Variants in SLF2 observed in about 807,000 individuals in gnomAD.
The protein encoded by SLF2 is SMC5/6 complex localization factor 2, also known as SMC5-SMC6 complex localization factor protein 2.
SLF2 carries 68 observed loss-of-function variants against 124.3 expected under a neutral mutation model. The ratio of observed to expected loss-of-function variants is 0.55; its 90% CI spans 0.45 to 0.67. SLF2 has a LOEUF of 0.67. SLF2 is among the 30% of genes least tolerant of loss of function. SLF2 has a pLI of 0.00. For missense variants in SLF2, 1,246 were observed against 1,373.7 expected, an observed-to-expected ratio of 0.91 and a Z score of 1.47; for synonymous variants, 480 against 478.8, an observed-to-expected ratio of 1.00 and a Z score of -0.03.
chr10:100,919,246 C>G (rs892111365), intron 4 of SLF2, among the ~76,000 whole-genome samples: 1 of 151,908 alleles, frequency 6.6e-6, no homozygotes, highest in Non-Finnish European at 1.5e-5. Flanking sequence ...CTCCTGACCT[C>G]GTGATCTGCC....
chr10:100,929,477 G>GT (rs1849686227), intron 7 of SLF2, 38 bp downstream of exon 7: 1 of 1,518,018 alleles, frequency 6.6e-7, no homozygotes, highest in African/African-American at 1.4e-5. Context: ...CCTTATTAAA[G>GT]TTTTTACATT....
rs1308116567 is a variant in SLF2, at chr10:100,924,085, G to C, written c.1084G>C (p.Glu362Gln). 1.9e-6 allele frequency: 3 copies of C among 1,613,222 alleles called. No individual in the cohort carries two copies. In the East Asian group the frequency reaches 6.7e-5, roughly 36 times the overall value. ...MIPKARESFL[E>Q]KRPDGPHQKE... ...ACCAAAAGCAAGAGAGTCCTTCCTT[G>C]AGAAGCGTCCTGATGGACCACATCA... The change falls in exon 5 of 20, where the codon GAG becomes CAG. Residue 362 changes from glutamate to glutamine, a missense_variant. Around this residue, in one of 3 missense-constraint regions of SLF2, gnomAD observed 698 missense variants for 708.9 expected, o/e 0.98. Transcript: ENST00000238961.
Position 100,947,867 on chromosome 10 carries a change from T to A in SLF2, c.3120+20T>A, listed in dbSNP as rs771190064. 6.4e-7 allele frequency: 1 copy of A among 1,570,402 alleles called. No homozygotes were observed. The highest frequency in any genetic ancestry group is 1.1e-5 in the South Asian group (1 of 89,682). On this transcript the variant is annotated intron_variant, in intron 15 of 19. Transcript: ENST00000238961. ...CTGCAGGTATAAATAAATACATTTTTATTTTTAATAAATGGGAGAGGTAAT... is the reference window on the plus strand; with the variant it reads ...CTGCAGGTATAAATAAATACATTTTAATTTTTAATAAATGGGAGAGGTAAT...
chr10:100,918,337 T>C, intron 3 of SLF2, 47 bp from the exon 4 acceptor site: 1 of 1,268,342 alleles, frequency 7.9e-7, no homozygotes, highest in Non-Finnish European at 1.1e-6. Context: ...CTTCACATTC[T>C]TTACTGTCCC....
At chr10:100,922,787 T>C (rs1157503516) in intron 4 of SLF2, among the ~76,000 whole-genome samples, 1 of 151,916 alleles carries the variant, frequency 6.6e-6, no homozygotes, top group Non-Finnish European at 1.5e-5. Context: ...TTTTTTTTTT[T>C]TTTTTTGAAA....
rs762484941 is a variant in SLF2 at position 100,918,411 on chromosome 10, T to C, written c.943T>C (p.Ser315Pro). 7 of 1,596,364 alleles carry C rather than the reference T, an allele frequency of 4.4e-6. No individual in the cohort carries two copies. The Admixed American group carries it at 1.2e-4, about 28-fold the overall frequency. Residue 315 changes from serine to proline, a missense_variant, in exon 4 of 20, where the codon TCC becomes CCC. Transcript: ENST00000238961. ...AAATGGACATCTCTCAAGAAAAAGA[T>C]CCTCTTCTGATTCATGGGAACCTAC... Reference protein sequence around the residue: ...VENGHLSRKRSSSDSWEPTSA... With the variant: ...VENGHLSRKRPSSDSWEPTSA...
rs11190774 is a variant in SLF2, at chr10:100,965,104, T to C, written c.*3192T>C. 14,956 of 152,096 alleles carry C rather than the reference T, an allele frequency of 0.098. 972 individuals carry two copies. Among genetic ancestry groups the C allele is most frequent in the African/African-American group, 0.19 (7,773 of 41,210 alleles). The allele number at this position is 152,096 out of a possible 1,614,324, so 9.4% of individuals were successfully genotyped here. ...AGTCCTATGAATGTGTGTGTGTGTG[T>C]GCTATTAAAACTGCTTTTTCTCAGT... On this transcript the variant is annotated 3_prime_UTR_variant, in exon 20 of 20. Coordinates refer to ENST00000238961, the MANE Select transcript of SLF2 (RefSeq NM_018121.4). The surrounding 1 kb of genome is among the most constrained non-coding windows in gnomAD (Gnocchi z 4.1).
rs1190775802 is a variant in SLF2 at position 100,950,342 on chromosome 10, T to A, written c.3252+135T>A. Reference sequence around the variant, plus strand: ...CTAGCAAACATAATTTTAAAGCGAATAATATTTTTAATTTATCACTGTCAT... The same window carrying A: ...CTAGCAAACATAATTTTAAAGCGAAAAATATTTTTAATTTATCACTGTCAT... On this transcript the variant is annotated intron_variant, in intron 16 of 19. Transcript: ENST00000238961. 4 of 1,013,962 alleles carry A rather than the reference T, an allele frequency of 3.9e-6. No individual in the cohort carries two copies. The African/African-American group carries it at 6.6e-5, about 17-fold the overall frequency. The allele number at this position is 1,013,962 out of a possible 1,614,324, so 62.8% of individuals were successfully genotyped here.
intron 19 of SLF2, among the ~76,000 whole-genome samples, chr10:100,960,961 CAT>C (rs112592673): frequency 8.7e-4 from 118 of 135,936 alleles, no homozygotes; most frequent in African/African-American, 2.8e-3. Context: ...GATTCTGACT[CAT>C]AGGTCTGGAG....
chr10:100,940,940 G>A (rs1202382416), intron 11 of SLF2, among the ~76,000 whole-genome samples: 1 of 150,930 alleles, frequency 6.6e-6, no homozygotes, highest in East Asian at 1.9e-4. Context: ...AGTTCAAGTG[G>A]CCCTCCTGCC....
At chr10:100,946,164 T>G (rs540961088) in intron 13 of SLF2, among the ~76,000 whole-genome samples, 1 of 152,128 alleles carries the variant, frequency 6.6e-6, no homozygotes, top group African/African-American at 2.4e-5. Context: ...GTATAATAAA[T>G]TCCTAAGTAT....
At position 100,962,281 on chromosome 10, in the gene SLF2, A is replaced by G. The variant is rs1850438746; in HGVS notation, c.*369A>G. The stretch of plus-strand genomic sequence containing the variant: ...TGTCACTTGGATAATCACAGGAAAT[A>G]TATAAGAAAAGAGCTTGGACTAACT... On this transcript the variant is annotated 3_prime_UTR_variant, in exon 20 of 20. Transcript: ENST00000238961. The G allele has an allele frequency of 3.1e-5, 5 of 159,552 alleles. No homozygotes were observed. In the Middle Eastern group the frequency reaches 9.3e-3, roughly 295 times the overall value. 9.9% of individuals were successfully genotyped at this position (159,552 alleles called of 1,614,324 possible). A position where few individuals can be genotyped will look rare whatever the true frequency, so the allele number is the denominator to read the frequency against.
intron 18 of SLF2, 27 bp from the exon 19 acceptor site, chr10:100,959,401 C>G: frequency 1.3e-6 from 2 of 1,587,072 alleles, no homozygotes; most frequent in Non-Finnish European, 8.6e-7. Context: ...TAATCTGATC[C>G]CTTTTCCTGT....
intron 15 of SLF2, among the ~76,000 whole-genome samples, chr10:100,949,543 G>A (rs1850170976): frequency 6.6e-6 from 1 of 151,356 alleles, no homozygotes; most frequent in Admixed American, 6.6e-5. Context: ...AATATCGTTT[G>A]GTCTCCTAAG....
rs1297494216 is a variant in SLF2, at chr10:100,913,119, G to A, written c.9G>A (p.Arg3=). ...TCGCCAGCGGCGCCGACATGACAAGGCGCTGCATGCCCGCTAGGCCAGGTT... is the reference window on the plus strand; with the variant it reads ...TCGCCAGCGGCGCCGACATGACAAGACGCTGCATGCCCGCTAGGCCAGGTT... MT[R]RCMPARPGFP... Residue 3 remains arginine, a synonymous_variant, in exon 1 of 20, where the codon AGG becomes AGA. Transcript: ENST00000238961. 1 of 1,612,576 alleles carries A rather than the reference G, an allele frequency of 6.2e-7. No individual in the cohort carries two copies. The highest frequency in any genetic ancestry group is 2.2e-5 in the East Asian group (1 of 44,696).
At chr10:100,941,148 T>C (rs1325480823) in intron 11 of SLF2, among the ~76,000 whole-genome samples, 1 of 152,118 alleles carries the variant, frequency 6.6e-6, no homozygotes, top group Non-Finnish European at 1.5e-5. Flanking sequence ...CCATCACTTT[T>C]CTTTTTTTAA....
At chr10:100,941,311 A>G (rs1190204548) in intron 11 of SLF2, among the ~76,000 whole-genome samples, 1 of 152,208 alleles carries the variant, frequency 6.6e-6, no homozygotes, top group Non-Finnish European at 1.5e-5. Context: ...AAGGGATACT[A>G]GTACAATTCT....
intron 13 of SLF2, among the ~76,000 whole-genome samples, chr10:100,946,582 C>T (rs1850108839): frequency 6.6e-6 from 1 of 152,182 alleles, no homozygotes; most frequent in African/African-American, 2.4e-5. Flanking sequence ...CTCCCTCGGC[C>T]TCCCAAAGTG....
At chr10:100,923,555 C>A (rs766635658) in intron 4 of SLF2, among the ~76,000 whole-genome samples, 1 of 151,682 alleles carries the variant, frequency 6.6e-6, no homozygotes, top group East Asian at 1.9e-4. Context: ...TATCTGCCTT[C>A]AAGTGTTTAT....
Sources: allele counts gnomAD v4.1 joint callset (sites outside exome capture counted in the v4.1 genomes callset), GRCh38; gene constraint gnomAD v4.1.1; regional missense constraint gnomAD v4.1.1; non-coding constraint Gnocchi (gnomAD v3.1); transcripts MANE v1.5; gene names NCBI Gene and HGNC (gene_info 2026-07-23, HGNC 2026-07-21).